BCAS3: variants seen among roughly 807,000 people sequenced by gnomAD.
BCAS3 encodes the protein BCAS4/BCAS3 fusion.
BCAS3 carries 53 observed loss-of-function variants against 116.1 expected under a neutral mutation model. That is an observed-to-expected ratio of 0.46 (90% confidence interval 0.37 to 0.57). The LOEUF (loss-of-function observed/expected upper bound fraction) is 0.57, where lower values mean the gene tolerates loss of function less well. BCAS3 is among the 20% of genes least tolerant of loss of function. BCAS3 has a pLI of 0.00. For synonymous variants in BCAS3, 391 were observed against 408.2 expected, an observed-to-expected ratio of 0.96 and a Z score of 0.51; for missense variants, 917 against 1,165.4, an observed-to-expected ratio of 0.79 and a Z score of 3.10.
chr17:60,892,286 C>G (rs911385137), intron 10 of BCAS3, among the ~76,000 whole-genome samples: 1 of 151,644 alleles, frequency 6.6e-6, no homozygotes. Flanking sequence ...CTCCATATTC[C>G]TGTCAACATC....
intron 10 of BCAS3, among the ~76,000 whole-genome samples, chr17:60,902,126 G>A (rs756158321): frequency 2.8e-4 from 43 of 152,180 alleles, no homozygotes; most frequent in African/African-American, 6.8e-4. Context: ...TGATTTATGC[G>A]TAATTTGTAA....
At chr17:61,389,922 G>A (rs1302854827) in intron 23 of BCAS3, 1 of 152,310 alleles carries the variant, frequency 6.6e-6, no homozygotes, top group Non-Finnish European at 1.5e-5. Flanking sequence ...GTGTGGATGT[G>A]GAGGCATTTT....
In BCAS3 at chr17:61,229,782, T is replaced by C. The variant is rs1370135523; in HGVS notation, c.2426-138545T>C. On this transcript the variant is annotated intron_variant, in intron 22 of 23. Transcript: ENST00000407086. This position sits in a 1 kb window ranked among gnomAD's most constrained non-coding sequence, Gnocchi z 4.4. The stretch of plus-strand genomic sequence containing the variant: ...CTAGATATGGAGCCACAACCTTGCC[T>C]GCTACCAGCTGAAAATTCTCCTGAA... 6.6e-6 allele frequency among the ~76,000 whole-genome samples: 1 copy of C among 152,196 alleles called. No homozygotes were observed. Among genetic ancestry groups the C allele is most frequent in the Non-Finnish European group, 1.5e-5 (1 of 68,024 alleles).
rs973745773 is a variant in BCAS3, at chr17:61,211,956, A to C, written c.2425+127392A>C. ...GTGTGGGTGTTTCTACAATGTGGGA[A>C]ACTTGTTTCATTGAAGAGTCTGAAT... On this transcript the variant is annotated intron_variant, in intron 22 of 23. Coordinates refer to ENST00000407086, the MANE Select transcript of BCAS3 (RefSeq NM_017679.5). This position sits in a 1 kb window ranked among gnomAD's most constrained non-coding sequence, Gnocchi z 4.4. Among the ~76,000 whole-genome samples, 2 of 152,250 alleles carry C rather than the reference A, an allele frequency of 1.3e-5. No homozygotes were observed. The highest frequency in any genetic ancestry group is 4.8e-5 in the African/African-American group (2 of 41,472).
At chr17:60,941,148 G>T (rs1009243356) in intron 13 of BCAS3, among the ~76,000 whole-genome samples, 5 of 152,336 alleles carry the variant, frequency 3.3e-5, no homozygotes, top group Non-Finnish European at 1.5e-5. Flanking sequence ...GGGAGAGGAA[G>T]CTTCCAGATA....
chr17:61,352,528 G>A lies in BCAS3; in HGVS notation c.2426-15799G>A, dbSNP rs566080933. On this transcript the variant is annotated intron_variant, in intron 22 of 23. Coordinates refer to ENST00000407086, the MANE Select transcript of BCAS3 (RefSeq NM_017679.5). The surrounding 1 kb of genome is among the most constrained non-coding windows in gnomAD (Gnocchi z 4.7). Reference sequence around the variant, plus strand: ...AATGAATAACATCCTGGTTGGCCTCGGTGGAGTAGAAGTGGAGGGAAGGAG... The same window carrying A: ...AATGAATAACATCCTGGTTGGCCTCAGTGGAGTAGAAGTGGAGGGAAGGAG... 1.5e-4 allele frequency among the ~76,000 whole-genome samples: 23 copies of A among 152,252 alleles called. No individual in the cohort carries two copies. Among genetic ancestry groups the A allele is most frequent in the African/African-American group, 5.1e-4 (21 of 41,538 alleles).
At chr17:60,695,580 A>G (rs1042817022) in intron 4 of BCAS3, among the ~76,000 whole-genome samples, 2 of 152,130 alleles carry the variant, frequency 1.3e-5, no homozygotes, top group Admixed American at 1.3e-4. Flanking sequence ...AGGAACCACC[A>G]TACTGTTTTC....
chr17:61,218,999 G>T (rs1206914784), intron 22 of BCAS3, among the ~76,000 whole-genome samples: 1 of 152,164 alleles, frequency 6.6e-6, no homozygotes, highest in Non-Finnish European at 1.5e-5. Flanking sequence ...AACACAAGTA[G>T]TGTCACTTGA....
Position 60,995,038 on chromosome 17 carries a change from C to T in BCAS3, c.1486+4803C>T, listed in dbSNP as rs1417487824. 2.6e-5 allele frequency among the ~76,000 whole-genome samples: 4 copies of T among 152,020 alleles called. No homozygotes were observed. The highest frequency in any genetic ancestry group is 2.4e-5 in the African/African-American group (1 of 41,484). On this transcript the variant is annotated intron_variant, in intron 15 of 23. Coordinates refer to ENST00000407086, the MANE Select transcript of BCAS3 (RefSeq NM_017679.5). The surrounding 1 kb of genome is among the most constrained non-coding windows in gnomAD (Gnocchi z 4.7). ...TGTCACCCAGGCTGGAGTGCAGTGG[C>T]GCCATCTCGGCTCACTGCAAGCTCC...
rs1035171036 is a variant in BCAS3 at position 60,867,729 on chromosome 17, G to A, written c.477-847G>A. Among the ~76,000 whole-genome samples, 4 of 152,132 alleles carry A rather than the reference G, an allele frequency of 2.6e-5. No homozygotes were observed. The South Asian group carries it at 8.3e-4, about 32-fold the overall frequency. Reference sequence around the variant, plus strand: ...TTGCTTTTATACAATCAAGTTTTTAGCAAATAATGACAGCTTTAGTTTCTC... The same window carrying A: ...TTGCTTTTATACAATCAAGTTTTTAACAAATAATGACAGCTTTAGTTTCTC... On this transcript the variant is annotated intron_variant, in intron 7 of 23. Coordinates refer to ENST00000407086, the MANE Select transcript of BCAS3 (RefSeq NM_017679.5).
chr17:60,717,683 T>C (rs755479557), intron 5 of BCAS3, among the ~76,000 whole-genome samples: 1 of 152,196 alleles, frequency 6.6e-6, no homozygotes, highest in Non-Finnish European at 1.5e-5. Flanking sequence ...GTTGGACTTT[T>C]ACGGTGAAAT....
At chr17:60,828,032 T>C (rs1225594494) in intron 7 of BCAS3, among the ~76,000 whole-genome samples, 10 of 152,190 alleles carry the variant, frequency 6.6e-5, no homozygotes, top group Admixed American at 6.5e-4. Context: ...ATAGTTTTTT[T>C]TCAGCCACCA....
intron 12 of BCAS3, among the ~76,000 whole-genome samples, chr17:60,923,174 T>TTTGTAGCTAGATTGAATTGGAGG (rs1417028169): frequency 6.6e-6 from 1 of 152,194 alleles, no homozygotes; most frequent in Non-Finnish European, 1.5e-5. Flanking sequence ...AATCAATGTA[T>TTTGTAGCTAGATTGAATTGGAGG]TTGTAGCTAG....
At chr17:60,730,763 A>G (rs528568361) in intron 5 of BCAS3, among the ~76,000 whole-genome samples, 2 of 152,264 alleles carry the variant, frequency 1.3e-5, no homozygotes, top group East Asian at 3.9e-4. Flanking sequence ...GAGTTTAAGA[A>G]CTATTTTGAA....
rs1381094190 is a variant in BCAS3 at position 61,196,078 on chromosome 17, C to T, written c.2425+111514C>T. On this transcript the variant is annotated intron_variant, in intron 22 of 23. Coordinates refer to ENST00000407086, the MANE Select transcript of BCAS3 (RefSeq NM_017679.5). The surrounding 1 kb of genome is among the most constrained non-coding windows in gnomAD (Gnocchi z 4.7). Reference sequence around the variant, plus strand: ...CTCATCTAACTTTGGAGACCACAGTCGCCTTTGCAGATCTATCTAGACAAC... The same window carrying T: ...CTCATCTAACTTTGGAGACCACAGTTGCCTTTGCAGATCTATCTAGACAAC... Among the ~76,000 whole-genome samples, 2 of 152,184 alleles carry T rather than the reference C, an allele frequency of 1.3e-5. No individual in the cohort carries two copies. The highest frequency in any genetic ancestry group is 4.8e-5 in the African/African-American group (2 of 41,428).
At chr17:60,852,720 T>C (rs2144812664) in intron 7 of BCAS3, among the ~76,000 whole-genome samples, 1 of 152,322 alleles carries the variant, frequency 6.6e-6, no homozygotes. Context: ...ATGTATGTGA[T>C]TGGGGAATTG....
rs1173520002 is a variant in BCAS3, at chr17:61,074,859, C to T, written c.2030-61C>T. 1.3e-5 allele frequency: 15 copies of T among 1,141,880 alleles called. No homozygotes were observed. The Admixed American group carries it at 2.3e-4, about 17-fold the overall frequency. The allele number at this position is 1,141,880 out of a possible 1,614,324, so 70.7% of individuals were successfully genotyped here. Reference sequence around the variant, plus strand: ...CCATAGTATCCAAAATGGTTGTGCCCACGTCTGTTTTTCCACTGCATGGAA... The same window carrying T: ...CCATAGTATCCAAAATGGTTGTGCCTACGTCTGTTTTTCCACTGCATGGAA... On this transcript the variant is annotated intron_variant, in intron 19 of 23. Coordinates refer to ENST00000407086, the MANE Select transcript of BCAS3 (RefSeq NM_017679.5).
At position 61,313,864 on chromosome 17, in the gene BCAS3, C is replaced by G. The variant is rs747869143; in HGVS notation, c.2426-54463C>G. On this transcript the variant is annotated intron_variant, in intron 22 of 23. Transcript: ENST00000407086. The surrounding 1 kb of genome is among the most constrained non-coding windows in gnomAD (Gnocchi z 4.3). ...TGTTTCAATGCCGCGGAGCCAGTGA[C>G]CACACGTGGGCCTGCTGTCTCCTCC... 1.3e-5 allele frequency among the ~76,000 whole-genome samples: 2 copies of G among 152,318 alleles called. No homozygotes were observed. The highest frequency in any genetic ancestry group is 4.2e-4 in the South Asian group (2 of 4,818).
chr17:60,954,400 A>G (rs986903511), intron 14 of BCAS3, among the ~76,000 whole-genome samples: 1 of 152,110 alleles, frequency 6.6e-6, no homozygotes, highest in Non-Finnish European at 1.5e-5. Context: ...TTATTTTAGA[A>G]AATTGTGGTG....
Sources: gnomAD v4.1 joint callset for allele counts (sites outside exome capture counted in the v4.1 genomes callset) on GRCh38, gnomAD v4.1.1 for gene constraint, Gnocchi (gnomAD v3.1) non-coding constraint, MANE v1.5 for transcripts, NCBI Gene and HGNC (gene_info 2026-07-23, HGNC 2026-07-21) for gene names.